SCFD2: variants seen among roughly 807,000 people sequenced by gnomAD.
SCFD2 encodes sec1 family domain containing 2, also known as sec1 family domain-containing protein 2.
A neutral mutation model predicts 58.9 loss-of-function variants in SCFD2; 54 were observed. The ratio of observed to expected loss-of-function variants is 0.92; its 90% CI spans 0.74 to 1.15. SCFD2 has a LOEUF of 1.15. Among genes scored for constraint, SCFD2 ranks in the 50% most tolerant of loss-of-function variants. The pLI is 0.00. For synonymous variants in SCFD2, 321 were observed against 335.9 expected, an observed-to-expected ratio of 0.96 and a Z score of 0.49; for missense variants, 805 against 836.6, an observed-to-expected ratio of 0.96 and a Z score of 0.47.
chr4:53,145,473 A>C lies in SCFD2; in HGVS notation c.1421T>G (p.Leu474Arg), dbSNP rs1421473707. 3.7e-6 allele frequency: 6 copies of C among 1,614,046 alleles called. No homozygotes were observed. The highest frequency in any genetic ancestry group is 3.3e-5 in the Admixed American group (2 of 59,992). The change falls in exon 5 of 9, where the codon CTT becomes CGT. Residue 474 changes from leucine to arginine, a missense_variant. Transcript: ENST00000401642. Reference sequence around the variant, plus strand: ...AGTGACAGAATAAATATATATGAGAAGGATCAGCAGTTCCTCAGGGCTGTA... The same window carrying C: ...AGTGACAGAATAAATATATATGAGACGGATCAGCAGTTCCTCAGGGCTGTA... ...EDYSPEELLI[L>R]LIYIYSVTGE...
chr4:53,079,763 C>T (rs1724087596), intron 5 of SCFD2, among the ~76,000 whole-genome samples: 1 of 152,108 alleles, frequency 6.6e-6, no homozygotes, highest in South Asian at 2.1e-4. Context: ...TGCTTTATAA[C>T]CTGAATATAC....
rs138927488 is a variant in SCFD2 at position 53,353,074 on chromosome 4, C to G, written c.839-308G>C. The stretch of plus-strand genomic sequence containing the variant: ...GTCTTGCTGACTTCAAGAATGAAGC[C>G]GCAGACCCTCAACGGTGAGTGTTAC... On this transcript the variant is annotated intron_variant, in intron 1 of 8. Coordinates refer to ENST00000401642, the MANE Select transcript of SCFD2 (RefSeq NM_152540.4). Among the ~76,000 whole-genome samples the G allele has an allele frequency of 4.9e-3, 742 of 152,202 alleles. 7 individuals carry two copies. The highest frequency in any genetic ancestry group is 0.029 in the South Asian group (142 of 4,814).
intron 2 of SCFD2, among the ~76,000 whole-genome samples, chr4:53,330,313 AT>A (rs1305408395): frequency 6.6e-6 from 1 of 151,718 alleles, no homozygotes; most frequent in Non-Finnish European, 1.5e-5. Flanking sequence ...CAAAGTTGAA[AT>A]GAAGGAAAAA....
intron 3 of SCFD2, among the ~76,000 whole-genome samples, chr4:53,298,947 G>A (rs1266315575): frequency 3.3e-5 from 5 of 152,124 alleles, no homozygotes; most frequent in East Asian, 3.8e-4. Flanking sequence ...CCATCTGTAC[G>A]TCAACATCAT....
chr4:53,298,646 C>G (rs183933578), intron 3 of SCFD2, among the ~76,000 whole-genome samples: 44 of 152,328 alleles, frequency 2.9e-4, no homozygotes, highest in Admixed American at 2.7e-3. Flanking sequence ...CAGACTGCCT[C>G]CTCAAGTGGG....
chr4:53,217,212 T>C (rs1728874105), intron 4 of SCFD2, among the ~76,000 whole-genome samples: 1 of 152,094 alleles, frequency 6.6e-6, no homozygotes, highest in Admixed American at 6.5e-5. Context: ...ATTAACTTTC[T>C]GTCTCGTTGA....
chr4:52,927,652 A>G (rs1014373790), intron 5 of SCFD2, among the ~76,000 whole-genome samples: 1 of 152,218 alleles, frequency 6.6e-6, no homozygotes, highest in African/African-American at 2.4e-5. Flanking sequence ...GCAACTTAGT[A>G]ACAAGTACAA....
intron 5 of SCFD2, among the ~76,000 whole-genome samples, chr4:53,003,717 G>A: frequency 6.6e-6 from 1 of 152,208 alleles, no homozygotes. Context: ...ACAGAAACAG[G>A]TGATAGGATT....
intron 5 of SCFD2, among the ~76,000 whole-genome samples, chr4:53,112,716 T>C (rs1725208091): frequency 6.6e-6 from 1 of 152,086 alleles, no homozygotes; most frequent in Non-Finnish European, 1.5e-5. Flanking sequence ...ACTGAGAAAA[T>C]GGGGATAATA....
intron 4 of SCFD2, among the ~76,000 whole-genome samples, chr4:53,215,487 A>C (rs889164214): frequency 2.6e-5 from 4 of 152,112 alleles, no homozygotes; most frequent in African/African-American, 4.8e-5. Flanking sequence ...ATTTTTGCAC[A>C]TTGATTTTGT....
intron 4 of SCFD2, among the ~76,000 whole-genome samples, chr4:53,216,190 T>C (rs7685213): frequency 0.69 from 105,056 of 152,044 alleles, 36,535 homozygotes; most frequent in Middle Eastern, 0.78. Flanking sequence ...TCCTCCTTTT[T>C]CTATTGATTG....
At chr4:53,253,641 A>T (rs549304943) in intron 4 of SCFD2, among the ~76,000 whole-genome samples, 1 of 151,290 alleles carries the variant, frequency 6.6e-6, no homozygotes, top group East Asian at 2.0e-4. Flanking sequence ...TCGCAAGAAC[A>T]AAAAACCAAA....
chr4:53,193,774 A>G (rs1202359902), intron 4 of SCFD2, among the ~76,000 whole-genome samples: 1 of 152,122 alleles, frequency 6.6e-6, no homozygotes, highest in Non-Finnish European at 1.5e-5. Context: ...TGTTTCTATC[A>G]CCGTTGTTTT....
rs371200461 is a variant in SCFD2 at position 53,061,183 on chromosome 4, T to G, written c.1561+84150A>C. Among the ~76,000 whole-genome samples the G allele has an allele frequency of 2.1e-3, 314 of 152,282 alleles. 2 individuals are homozygous for G. The highest frequency in any genetic ancestry group is 0.011 in the South Asian group (52 of 4,816). ...AAAACATCAGGTCTTTCTTGAGTTC[T>G]GAACATCCATTAGTGAAGAAAATGC... On this transcript the variant is annotated intron_variant, in intron 5 of 8. Coordinates refer to ENST00000401642, the MANE Select transcript of SCFD2 (RefSeq NM_152540.4).
chr4:53,011,450 G>A (rs977548323), intron 5 of SCFD2, among the ~76,000 whole-genome samples: 5 of 152,170 alleles, frequency 3.3e-5, no homozygotes, highest in African/African-American at 1.2e-4. Flanking sequence ...ACACTACTGA[G>A]CAAATATTAA....
chr4:53,007,305 G>GGAGAGGGAGAGAGAGAGAGAGAGAGA, intron 5 of SCFD2, among the ~76,000 whole-genome samples: 1 of 66,082 alleles, frequency 1.5e-5, no homozygotes, highest in East Asian at 4.0e-4. Context: ...AGAGGGAGAG[G>GGAGAGGGAGAGAGAGAGAGAGAGAGA]GAGAGAGAGA....
At chr4:53,163,172 C>G (rs1312175500) in intron 4 of SCFD2, among the ~76,000 whole-genome samples, 1 of 152,190 alleles carries the variant, frequency 6.6e-6, no homozygotes, top group Non-Finnish European at 1.5e-5. Flanking sequence ...GTTAGACCAG[C>G]ATATTTAAAA....
intron 4 of SCFD2, among the ~76,000 whole-genome samples, chr4:53,254,095 G>T (rs551241982): frequency 1.3e-4 from 20 of 152,186 alleles, no homozygotes; most frequent in Non-Finnish European, 2.4e-4. Flanking sequence ...CCTACCTGAG[G>T]GTGGAGGGTG....
chr4:53,111,228 A>G (rs1309664543), intron 5 of SCFD2, among the ~76,000 whole-genome samples: 1 of 151,946 alleles, frequency 6.6e-6, no homozygotes, highest in African/African-American at 2.4e-5. Flanking sequence ...GGAGAAATAC[A>G]TAAGGTAGGT....
Sources: gnomAD v4.1 joint callset for allele counts (sites outside exome capture counted in the v4.1 genomes callset) on GRCh38, gnomAD v4.1.1 for gene constraint, MANE v1.5 for transcripts, NCBI Gene and HGNC (gene_info 2026-07-23, HGNC 2026-07-21) for gene names.